Variants in FOXP2 observed in about 807,000 individuals in gnomAD.
FOXP2 encodes forkhead box protein P2.
Under a neutral mutation model 115.8 loss-of-function variants are expected in FOXP2, and 12 were observed. The ratio of observed to expected loss-of-function variants is 0.10; its 90% confidence interval spans 0.07 to 0.17. The LOEUF (loss-of-function observed/expected upper bound fraction) is 0.17, where lower values mean the gene tolerates loss of function less well. FOXP2 is among the 10% of genes least tolerant of loss of function. FOXP2 has a pLI of 1.00. For synonymous variants in FOXP2, 328 were observed against 297.7 expected (o/e 1.10, Z -1.05); for missense variants, 629 against 843.5 (o/e 0.75, Z 3.15).
intron 2 of FOXP2, among the ~76,000 whole-genome samples, chr7:114,452,027 A>C (rs188084736): frequency 6.6e-6 from 1 of 151,856 alleles, no homozygotes; most frequent in African/African-American, 2.4e-5. Context: ...TTCTTTTCTA[A>C]CCCCATAGAT....
At chr7:114,621,112 A>C (rs1804227375) in intron 3 of FOXP2, among the ~76,000 whole-genome samples, 1 of 152,058 alleles carries the variant, frequency 6.6e-6, no homozygotes. Flanking sequence ...ATTTTTGCAC[A>C]TGAAGCCCTT....
At chr7:114,615,983 C>A (rs1803928828) in intron 3 of FOXP2, among the ~76,000 whole-genome samples, 1 of 152,080 alleles carries the variant, frequency 6.6e-6, no homozygotes, top group African/African-American at 2.4e-5. Flanking sequence ...TATTTCTTTC[C>A]TAGAATATAT....
chr7:114,497,701 ATAAAT>A (rs1304843614), intron 2 of FOXP2, among the ~76,000 whole-genome samples: 47 of 150,510 alleles, frequency 3.1e-4, no homozygotes, highest in Non-Finnish European at 2.4e-4. Flanking sequence ...AAATAAATAA[ATAAAT>A]AAAAGTTGCA....
At chr7:114,264,816 G>A (rs553539427) in intron 1 of FOXP2, among the ~76,000 whole-genome samples, 68 of 152,212 alleles carry the variant, frequency 4.5e-4, no homozygotes, top group Non-Finnish European at 7.5e-4. Context: ...GAGCAGGCCC[G>A]TCACATAGTG....
intron 1 of FOXP2, among the ~76,000 whole-genome samples, chr7:114,108,171 A>G (rs1051495649): frequency 6.6e-6 from 1 of 151,908 alleles, no homozygotes; most frequent in Non-Finnish European, 1.5e-5. Context: ...TAGCACTGTA[A>G]TGTGTATTTT....
At chr7:114,384,335 AT>A (rs1343043590) in intron 2 of FOXP2, among the ~76,000 whole-genome samples, 1 of 152,184 alleles carries the variant, frequency 6.6e-6, no homozygotes, top group African/African-American at 2.4e-5. Flanking sequence ...TCTTATGCAA[AT>A]TCATTTCAGA....
At chr7:114,348,604 T>C (rs569911378) in intron 2 of FOXP2, among the ~76,000 whole-genome samples, 2 of 152,216 alleles carry the variant, frequency 1.3e-5, no homozygotes, top group African/African-American at 2.4e-5. Context: ...ACTCGTCTTA[T>C]AGAAAGAACA....
At chr7:114,266,204 G>A (rs1228959602) in intron 1 of FOXP2, among the ~76,000 whole-genome samples, 1 of 151,898 alleles carries the variant, frequency 6.6e-6, no homozygotes, top group African/African-American at 2.4e-5. Flanking sequence ...GTTTTCTTCT[G>A]AGCCCTCCAA....
chr7:114,658,042 T>C (rs1288079568), intron 10 of FOXP2, 24 bp from the exon 11 acceptor site: 1 of 1,613,338 alleles, frequency 6.2e-7, no homozygotes, highest in South Asian at 1.1e-5. Flanking sequence ...ACCTTTTTCC[T>C]GCCCTTCTCT....
chr7:114,355,408 C>G (rs1315802649), intron 2 of FOXP2, among the ~76,000 whole-genome samples: 1 of 152,136 alleles, frequency 6.6e-6, no homozygotes, highest in African/African-American at 2.4e-5. Context: ...ATGCAGTAAC[C>G]ATATCTGTGG....
chr7:114,123,444 A>C (rs976361505), intron 1 of FOXP2, among the ~76,000 whole-genome samples: 4 of 151,934 alleles, frequency 2.6e-5, no homozygotes, highest in African/African-American at 9.7e-5. Context: ...AACTATATAT[A>C]TTACATTGTA....
At chr7:114,385,882 C>T (rs1792436325) in intron 2 of FOXP2, among the ~76,000 whole-genome samples, 1 of 152,084 alleles carries the variant, frequency 6.6e-6, no homozygotes, top group African/African-American at 2.4e-5. Context: ...TCTTCTCTGA[C>T]CTGGGGTTCT....
chr7:114,445,701 AG>A (rs1794803447), intron 2 of FOXP2, among the ~76,000 whole-genome samples: 1 of 152,150 alleles, frequency 6.6e-6, no homozygotes, highest in Admixed American at 6.6e-5. Context: ...CAATATACAC[AG>A]TTTCTAATTT....
chr7:114,609,612 C>T (rs984927643), intron 3 of FOXP2, among the ~76,000 whole-genome samples: 6 of 152,168 alleles, frequency 3.9e-5, no homozygotes, highest in Admixed American at 3.3e-4. Context: ...AACTTTGGAT[C>T]AGCTTCCAAC....
intron 2 of FOXP2, among the ~76,000 whole-genome samples, chr7:114,372,023 C>T (rs571454082): frequency 1.0e-3 from 154 of 152,166 alleles, no homozygotes; most frequent in Non-Finnish European, 1.7e-3. Context: ...TACTATGTAT[C>T]ATATATTCTA....
intron 3 of FOXP2, among the ~76,000 whole-genome samples, chr7:114,616,524 G>T (rs1803961693): frequency 6.6e-6 from 1 of 152,108 alleles, no homozygotes; most frequent in Non-Finnish European, 1.5e-5. Context: ...AGGGACGGAG[G>T]TTGGTTTTAC....
intron 1 of FOXP2, among the ~76,000 whole-genome samples, chr7:114,214,418 A>G (rs1049736930): frequency 6.6e-6 from 1 of 152,218 alleles, no homozygotes; most frequent in African/African-American, 2.4e-5. Flanking sequence ...TGGCAAACCA[A>G]AGCCTATCTG....
At chr7:114,556,071 T>C (rs1439696941) in intron 3 of FOXP2, among the ~76,000 whole-genome samples, 2 of 152,288 alleles carry the variant, frequency 1.3e-5, no homozygotes, top group African/African-American at 4.8e-5. Flanking sequence ...CAAATGGCAG[T>C]GATGGACTAC....
At chr7:114,136,791 C>T (rs1792052057) in intron 1 of FOXP2, among the ~76,000 whole-genome samples, 1 of 151,798 alleles carries the variant, frequency 6.6e-6, no homozygotes, top group Admixed American at 6.6e-5. Context: ...TTTATTACTA[C>T]AGGAGAAGCT....
Sources: allele counts gnomAD v4.1 joint callset (sites outside exome capture counted in the v4.1 genomes callset), GRCh38; gene constraint gnomAD v4.1.1; transcripts MANE v1.5; gene names NCBI Gene and HGNC (gene_info 2026-07-23, HGNC 2026-07-21).